The following EVC2 variants were observed in gnomAD, a reference collection of about 807,000 sequenced individuals.
EVC2 encodes the protein limbin.
A neutral mutation model predicts 149.3 loss-of-function variants in EVC2; 148 were observed. The observed-to-expected ratio is 0.99, with a 90% CI of 0.87 to 1.14. EVC2 has a LOEUF of 1.14. EVC2 is among the 50% of genes most tolerant of loss of function. The probability of loss-of-function intolerance (pLI) is 0.00; values close to 1 mark genes in which losing one functional copy is unlikely to be tolerated. For missense variants in EVC2, 1,854 were observed against 1,627.3 expected, an observed-to-expected ratio of 1.14 and a Z score of -2.40; for synonymous variants, 776 against 649.9, an observed-to-expected ratio of 1.19 and a Z score of -2.95.
chr4:5,691,762 C>G (rs1721137019), intron 3 of EVC2, among the ~76,000 whole-genome samples: 1 of 152,182 alleles, frequency 6.6e-6, no homozygotes, highest in Admixed American at 6.5e-5. Flanking sequence ...GGCAGCCTCT[C>G]TGTGAGCTTG....
At chr4:5,562,282 G>A, downstream of EVC2, 1 of 192,286 alleles carries the variant, frequency 5.2e-6, no homozygotes, top group Non-Finnish European at 9.6e-6. This position sits in a 1 kb window ranked among gnomAD's most constrained non-coding sequence, Gnocchi z 4.3. Context: ...GATTTGAACT[G>A]GTGACGGTAG....
At chr4:5,551,271 G>A (rs949126384) in intron 21 of EVC2, among the ~76,000 whole-genome samples, 7 of 152,200 alleles carry the variant, frequency 4.6e-5, no homozygotes, top group Non-Finnish European at 1.0e-4. Context: ...CCAGGAGGGG[G>A]GCTGTGCCCT....
Position 5,642,620 on chromosome 4 carries a change from G to A in EVC2, c.1146-1782C>T, listed in dbSNP as rs976486387. ...TTCCTCAGTACAGATTCCCATGAGA[G>A]GAACTGCTGGGTCAGATGTCAGCGA... On this transcript the variant is annotated intron_variant, in intron 9 of 21. Coordinates refer to ENST00000344408, the MANE Select transcript of EVC2 (RefSeq NM_147127.5). 5.9e-5 allele frequency among the ~76,000 whole-genome samples: 9 copies of A among 152,274 alleles called. 1 individual carries two copies. The highest frequency in any genetic ancestry group is 2.6e-4 in the Admixed American group (4 of 15,300).
In EVC2 at chr4:5,631,921, G is replaced by A. The variant is rs1229711187; in HGVS notation, c.1582C>T (p.Gln528Ter). 4 of 1,614,198 alleles carry A rather than the reference G, an allele frequency of 2.5e-6. No individual in the cohort carries two copies. The change falls in exon 11 of 22, where the codon CAG becomes TAG. Residue 528 changes from glutamine (Q) to a stop codon, truncating the protein, a stop_gained. Transcript: ENST00000344408. LOFTEE classifies it high-confidence loss of function. Reference protein sequence around the residue: ...QEEDFAKAHRQLAVFQRNELH... With the variant: ...QEEDFAKAHR ...TCATTTCTCTGGAAAACAGCCAGCT[G>A]TCTGTGAGCTTTGGCAAAGTCTTCT...
intron 16 of EVC2, among the ~76,000 whole-genome samples, chr4:5,596,695 C>A: frequency 6.6e-6 from 1 of 152,034 alleles, no homozygotes; most frequent in East Asian, 1.9e-4. Context: ...CAAAAGCTAG[C>A]AGAAGGCAAG....
At chr4:5,664,986 T>C (rs1319222619) in intron 8 of EVC2, among the ~76,000 whole-genome samples, 6 of 148,248 alleles carry the variant, frequency 4.0e-5, no homozygotes, top group African/African-American at 1.3e-4. Flanking sequence ...GGTGACAGGA[T>C]GCATGTGGGG....
chr4:5,584,566 G>T (rs1364032681), intron 17 of EVC2, 57 bp downstream of exon 17: 17 of 1,528,330 alleles, frequency 1.1e-5, no homozygotes, highest in Non-Finnish European at 1.4e-5. Context: ...AGATGCAGAG[G>T]TAGGTACCAG....
intron 1 of EVC2, among the ~76,000 whole-genome samples, chr4:5,702,931 T>C (rs1390188897): frequency 6.6e-6 from 1 of 152,184 alleles, no homozygotes. Flanking sequence ...AAAATAAATG[T>C]AAAGCTTAGC....
intron 1 of EVC2, among the ~76,000 whole-genome samples, chr4:5,703,751 A>G (rs1721970022): frequency 6.6e-6 from 1 of 152,256 alleles, no homozygotes; most frequent in African/African-American, 2.4e-5. Context: ...ATCATAGTAT[A>G]CTATATATAT....
At chr4:5,701,434 CCT>C (rs1721818979) in intron 1 of EVC2, among the ~76,000 whole-genome samples, 1 of 152,154 alleles carries the variant, frequency 6.6e-6, no homozygotes, top group African/African-American at 2.4e-5. Flanking sequence ...ATGGTGAGCC[CCT>C]TTCTCCCTTC....
rs1310952584 is a variant in EVC2, at chr4:5,636,705, G to T, written c.1470+3809C>A. ...CAATGCTTCCTGGGTATCAAGGGAG[G>T]GATGACTGTACTGTACTAAACTTTA... On this transcript the variant is annotated intron_variant, in intron 10 of 21. Transcript: ENST00000344408. The surrounding 1 kb of genome is among the most constrained non-coding windows in gnomAD (Gnocchi z 4.6). Among the ~76,000 whole-genome samples, 1 of 152,000 alleles carries T rather than the reference G, an allele frequency of 6.6e-6. No individual in the cohort carries two copies. Among genetic ancestry groups the T allele is most frequent in the Admixed American group, 6.6e-5 (1 of 15,244 alleles).
At position 5,613,764 on chromosome 4, in the gene EVC2, C is replaced by T. The variant is rs192613220; in HGVS notation, c.2829+1658G>A. ...TAGCCTTTAACAATAGGTAAGATGA[C>T]ATTTTGCCTCTATCTGCCTAATCTT... On this transcript the variant is annotated intron_variant, in intron 16 of 21. Coordinates refer to ENST00000344408, the MANE Select transcript of EVC2 (RefSeq NM_147127.5). The surrounding 1 kb of genome is among the most constrained non-coding windows in gnomAD (Gnocchi z 4.6). Among the ~76,000 whole-genome samples the T allele has an allele frequency of 3.9e-5, 6 of 152,260 alleles. No individual in the cohort carries two copies. Among genetic ancestry groups the T allele is most frequent in the Non-Finnish European group, 8.8e-5 (6 of 68,034 alleles).
intron 1 of EVC2, among the ~76,000 whole-genome samples, chr4:5,704,377 A>C (rs1414036184): frequency 6.6e-6 from 1 of 152,110 alleles, no homozygotes; most frequent in Admixed American, 6.5e-5. Context: ...GCCCAGCAAG[A>C]AAAAGACAAA....
chr4:5,622,664 C>T lies in EVC2; in HGVS notation c.2374G>A (p.Glu792Lys). 6.2e-7 allele frequency: 1 copy of T among 1,614,128 alleles called. No homozygotes were observed. Among genetic ancestry groups the T allele is most frequent in the Non-Finnish European group, 8.5e-7 (1 of 1,180,026 alleles). ...TGGTCCCTGTCCCTCTCCTCCCCCTCCAGCTGCTCGGCCCGTGCAGCCATC... is the reference window on the plus strand; with the variant it reads ...TGGTCCCTGTCCCTCTCCTCCCCCTTCAGCTGCTCGGCCCGTGCAGCCATC... ...KEMAARAEQL[E>K]GEERDRDQEG... Residue 792 changes from glutamate (E) to lysine (K), a missense_variant, in exon 14 of 22, where the codon GAG (glutamate) becomes AAG (lysine). Transcript: ENST00000344408. This position sits in a 1 kb window ranked among gnomAD's most constrained non-coding sequence, Gnocchi z 5.8.
intron 18 of EVC2, among the ~76,000 whole-genome samples, 189 bp from the exon 19 acceptor site, chr4:5,574,961 C>G (rs1352189315): frequency 6.6e-6 from 1 of 152,174 alleles, no homozygotes; most frequent in Non-Finnish European, 1.5e-5. Context: ...CATAACATGT[C>G]AAGGAGGGTT....
intron 7 of EVC2, among the ~76,000 whole-genome samples, chr4:5,674,269 T>C (rs991332984): frequency 3.9e-5 from 6 of 152,164 alleles, no homozygotes; most frequent in African/African-American, 1.2e-4. Context: ...GCAGCTTTGC[T>C]AATTTCCCAA....
At chr4:5,558,493 A>G (rs1721880495), downstream of EVC2, among the ~76,000 whole-genome samples, 1 of 152,236 alleles carries the variant, frequency 6.6e-6, no homozygotes, top group South Asian at 2.1e-4. Context: ...ATCATTTTAT[A>G]CAAATTTGTA....
At chr4:5,671,076 C>T (rs1478026756) in intron 7 of EVC2, among the ~76,000 whole-genome samples, 1 of 152,240 alleles carries the variant, frequency 6.6e-6, no homozygotes, top group African/African-American at 2.4e-5. Flanking sequence ...GATCCAAGTG[C>T]TTTACATGTA....
At chr4:5,592,956 T>C (rs1315300563) in intron 16 of EVC2, among the ~76,000 whole-genome samples, 1 of 151,690 alleles carries the variant, frequency 6.6e-6, no homozygotes, top group East Asian at 1.9e-4. Flanking sequence ...ATCATGGGGG[T>C]GATTACCTCC....
Sources: allele counts gnomAD v4.1 joint callset (sites outside exome capture counted in the v4.1 genomes callset), GRCh38; gene constraint gnomAD v4.1.1; non-coding constraint Gnocchi (gnomAD v3.1); transcripts MANE v1.5; gene names NCBI Gene and HGNC (gene_info 2026-07-23, HGNC 2026-07-21).